FGD4: variants seen among roughly 807,000 people sequenced by gnomAD.
The protein encoded by FGD4 is FYVE, RhoGEF and PH domain-containing protein 4.
In FGD4, 42 loss-of-function variants were observed where a neutral mutation model predicts 102.0. The ratio of observed to expected loss-of-function variants is 0.41; its 90% confidence interval spans 0.32 to 0.53. The LOEUF is 0.53. Among genes scored for constraint, FGD4 ranks in the 20% least tolerant of loss-of-function variants. The probability of loss-of-function intolerance (pLI) is 0.21; values close to 1 mark genes in which losing one functional copy is unlikely to be tolerated. For missense variants in FGD4, 902 were observed against 1,078.2 expected, an observed-to-expected ratio of 0.84 and a Z score of 2.29; for synonymous variants, 380 against 375.7, an observed-to-expected ratio of 1.01 and a Z score of -0.13.
At chr12:32,517,022 G>A (rs1319105711) in intron 1 of FGD4, among the ~76,000 whole-genome samples, 1 of 152,184 alleles carries the variant, frequency 6.6e-6, no homozygotes, top group East Asian at 1.9e-4. Flanking sequence ...TACCCAAAAA[G>A]TTCCTAGATG....
chr12:32,465,790 G>GT (rs1401442433), intron 1 of FGD4, among the ~76,000 whole-genome samples: 2 of 152,028 alleles, frequency 1.3e-5, no homozygotes, highest in African/African-American at 4.8e-5. Flanking sequence ...GCATTTGTTT[G>GT]TTTTTTGAGA....
In FGD4 at chr12:32,624,434, C is replaced by T. The variant is rs748121544; in HGVS notation, c.1935C>T (p.Asp645=). Residue 645 remains aspartate, a synonymous_variant, in exon 12 of 17, where the codon GAC becomes GAT. Transcript: ENST00000534526. ...TLELQASSAQ[D]KEEWIKALQE... ...TGTTTTATTTTAGTTCTGCGCAAGA[C>T]AAAGAAGAATGGATCAAGGTAAGCC... The T allele has an allele frequency of 1.2e-6, 2 of 1,601,420 alleles. No individual in the cohort carries two copies. The highest frequency in any genetic ancestry group is 1.1e-5 in the South Asian group (1 of 90,314).
At chr12:32,402,079 C>G (rs924851274) in intron 1 of FGD4, among the ~76,000 whole-genome samples, 31 of 140,832 alleles carry the variant, frequency 2.2e-4, no homozygotes, top group African/African-American at 7.6e-4. Context: ...ATTTTTTGTA[C>G]TTTTAGTAGA....
intron 1 of FGD4, among the ~76,000 whole-genome samples, chr12:32,481,260 A>G (rs1943757022): frequency 6.6e-6 from 1 of 151,828 alleles, no homozygotes; most frequent in African/African-American, 2.4e-5. Context: ...AACATGGTGA[A>G]ACCCCGTCTC....
chr12:32,547,430 C>T (rs1462120769), intron 1 of FGD4, among the ~76,000 whole-genome samples: 1 of 152,046 alleles, frequency 6.6e-6, no homozygotes, highest in South Asian at 2.1e-4. Flanking sequence ...CATGTAAAAA[C>T]AAAAAATACA....
At chr12:32,616,546 C>T (rs149006924) in intron 10 of FGD4, among the ~76,000 whole-genome samples, 150 of 152,338 alleles carry the variant, frequency 9.8e-4, no homozygotes, top group African/African-American at 3.4e-3. Flanking sequence ...CTTGCCTTGC[C>T]AGTGCACATT....
In FGD4 at chr12:32,638,815, C is replaced by T. The variant is rs1222196507; in HGVS notation, c.2454+20C>T. On this transcript the variant is annotated intron_variant, in intron 16 of 16. Transcript: ENST00000534526. ...CCCCAGGTATCTAAACCACATCTGTCTGAAGGGACAGATGCCCTTGGGGGC... is the reference window on the plus strand; with the variant it reads ...CCCCAGGTATCTAAACCACATCTGTTTGAAGGGACAGATGCCCTTGGGGGC... 1 of 1,613,740 alleles carries T rather than the reference C, an allele frequency of 6.2e-7. No homozygotes were observed. Among genetic ancestry groups the T allele is most frequent in the Middle Eastern group, 1.7e-4 (1 of 6,056 alleles).
At chr12:32,526,505 G>C (rs7312178) in intron 1 of FGD4, among the ~76,000 whole-genome samples, 2,444 of 152,220 alleles carry the variant, frequency 0.016, 71 homozygotes, top group African/African-American at 0.055. Context: ...ATCTAGCTCA[G>C]GGATTGTAAA....
chr12:32,639,732 G>A (rs1951058881), intron 16 of FGD4, among the ~76,000 whole-genome samples: 2 of 152,100 alleles, frequency 1.3e-5, no homozygotes, highest in African/African-American at 2.4e-5. Flanking sequence ...CATTTACTCT[G>A]AAATATAAAA....
rs1251846926 is a variant in FGD4, at chr12:32,646,006, A to T, written c.*5473A>T. 1 of 152,180 alleles carries T rather than the reference A, an allele frequency of 6.6e-6. No individual in the cohort carries two copies. The highest frequency in any genetic ancestry group is 2.4e-5 in the African/African-American group (1 of 41,450). 9.4% of individuals were successfully genotyped at this position (152,180 alleles called of 1,614,324 possible). A position where few individuals can be genotyped will look rare whatever the true frequency, so the allele number is the denominator to read the frequency against. ...AATTAAGCACTTTAATTCCTATTAAATATTAAACATTTGTATCTTGTAAAT... is the reference window on the plus strand; with the variant it reads ...AATTAAGCACTTTAATTCCTATTAATTATTAAACATTTGTATCTTGTAAAT... On this transcript the variant is annotated 3_prime_UTR_variant, in exon 17 of 17. Transcript: ENST00000534526.
chr12:32,490,686 C>T (rs765952987), intron 1 of FGD4, among the ~76,000 whole-genome samples: 22 of 152,176 alleles, frequency 1.4e-4, no homozygotes, highest in Non-Finnish European at 2.4e-4. Context: ...CATGAGCCAC[C>T]GCGCCTAGAC....
chr12:32,564,395 G>C, intron 2 of FGD4, 106 bp downstream of exon 2: 26 of 1,322,840 alleles, frequency 2.0e-5, no homozygotes, highest in Non-Finnish European at 2.6e-5. Context: ...TAGAAGGAAG[G>C]AATTGGGTAC....
At chr12:32,564,320 G>A (rs2136287078) in intron 2 of FGD4, 31 bp downstream of exon 2, 1 of 1,532,614 alleles carries the variant, frequency 6.5e-7, no homozygotes, top group South Asian at 1.2e-5. Flanking sequence ...TGTTCGGGGT[G>A]GGTACGTTGT....
intron 7 of FGD4, among the ~76,000 whole-genome samples, chr12:32,607,416 C>T (rs1483642553): frequency 1.3e-5 from 2 of 151,976 alleles, no homozygotes; most frequent in South Asian, 2.1e-4. Flanking sequence ...AGTGAGACTC[C>T]GTCTCAAAAA....
In FGD4 at chr12:32,544,114, C is replaced by T. The variant is rs1943053433; in HGVS notation, c.167-20023C>T. On this transcript the variant is annotated intron_variant, in intron 1 of 16. Transcript: ENST00000534526. The surrounding 1 kb of genome is among the most constrained non-coding windows in gnomAD (Gnocchi z 4.1). ...AACAAGAGTCACATGGTGCTATGAG[C>T]TTAAATAATTACTAGTAAAATTTGG... Among the ~76,000 whole-genome samples, 1 of 152,056 alleles carries T rather than the reference C, an allele frequency of 6.6e-6. No homozygotes were observed. The highest frequency in any genetic ancestry group is 1.5e-5 in the Non-Finnish European group (1 of 68,012).
At chr12:32,581,605 TCTAA>T (rs1196617046) in intron 3 of FGD4, among the ~76,000 whole-genome samples, 15 of 152,318 alleles carry the variant, frequency 9.8e-5, no homozygotes, top group South Asian at 8.3e-4. Context: ...AAGTATTATA[TCTAA>T]CTAAGTCTTT....
intron 1 of FGD4, among the ~76,000 whole-genome samples, chr12:32,490,660 G>C (rs926735159): frequency 2.6e-5 from 4 of 151,844 alleles, no homozygotes; most frequent in African/African-American, 9.7e-5. Context: ...GCCTCCCAAA[G>C]TGCTGGGATT....
At chr12:32,573,004 G>A (rs1474265695) in intron 2 of FGD4, among the ~76,000 whole-genome samples, 1 of 152,228 alleles carries the variant, frequency 6.6e-6, no homozygotes, top group East Asian at 1.9e-4. Flanking sequence ...ATAATTTGAA[G>A]TATCAATTCC....
In FGD4 at chr12:32,529,201, G is replaced by A. The variant is rs138285644; in HGVS notation, c.167-34936G>A. Reference sequence around the variant, plus strand: ...GCAATCTTGGCTCACTGCAACCTCCGCCTCCCAGATTCAAGCTATCCTCCT... The same window carrying A: ...GCAATCTTGGCTCACTGCAACCTCCACCTCCCAGATTCAAGCTATCCTCCT... On this transcript the variant is annotated intron_variant, in intron 1 of 16. Transcript: ENST00000534526. Among the ~76,000 whole-genome samples, 231 of 151,988 alleles carry A rather than the reference G, an allele frequency of 1.5e-3. 1 individual carries two copies. Among genetic ancestry groups the A allele is most frequent in the African/African-American group, 5.3e-3 (219 of 41,460 alleles).
Sources: allele counts gnomAD v4.1 joint callset (sites outside exome capture counted in the v4.1 genomes callset), GRCh38; gene constraint gnomAD v4.1.1; non-coding constraint Gnocchi (gnomAD v3.1); transcripts MANE v1.5; gene names NCBI Gene and HGNC (gene_info 2026-07-23, HGNC 2026-07-21).